NRK: variants seen among roughly 807,000 people sequenced by gnomAD.
NRK encodes nik-related protein kinase.
Under a neutral mutation model 125.2 loss-of-function variants are expected in NRK, and 67 were observed. The observed-to-expected ratio is 0.54, with a 90% CI of 0.44 to 0.66. The LOEUF (loss-of-function observed/expected upper bound fraction) is 0.66. Ranked by LOEUF, NRK falls within the 30% of genes least tolerant of loss-of-function variation. The probability of loss-of-function intolerance (pLI) is 0.00; values close to 1 mark genes in which losing one functional copy is unlikely to be tolerated. For missense variants in NRK, 1,224 were observed against 1,192.9 expected (o/e 1.03, Z -0.38); for synonymous variants, 458 against 429.0 (o/e 1.07, Z -0.84).
chrX:105,868,510 G>T (rs976361784), intron 2 of NRK, among the ~76,000 whole-genome samples: 2 of 111,090 alleles, frequency 1.8e-5, no homozygotes, highest in African/African-American at 6.5e-5. Flanking sequence ...TTATCTAGAC[G>T]ATTGCCTTAG....
At position 105,923,191 on chromosome X, in the gene NRK, C is replaced by T; in HGVS notation, c.2684C>T (p.Ala895Val). 8.3e-7 allele frequency: 1 copy of T among 1,206,241 alleles called. No individual in the cohort carries two copies. The highest frequency in any genetic ancestry group is 1.1e-6 in the Non-Finnish European group (1 of 890,972). ...ACAAACGAATGGGTAGGCTATAATG[C>T]ACTCTCTGAAATCTTCCGGAATGAT... ...YLTNEWVGYN[A>V]LSEIFRNDWL... is the part of the protein sequence containing the mutation. Residue 895 changes from alanine to valine, a missense_variant, in exon 18 of 29, where the codon GCA (alanine) becomes GTA (valine). Physicochemically the swap from Ala to Val is moderately conservative, Grantham distance 64. Coordinates refer to ENST00000243300, the MANE Select transcript of NRK (RefSeq NM_198465.4).
At chrX:105,921,097 A>G (rs1179201001) in intron 16 of NRK, among the ~76,000 whole-genome samples, 2 of 100,326 alleles carry the variant, frequency 2.0e-5, no homozygotes, top group Non-Finnish European at 2.0e-5. Context: ...TCCAACAATG[A>G]TAGACTGGAT....
intron 2 of NRK, among the ~76,000 whole-genome samples, chrX:105,873,184 G>C (rs2039770059): frequency 9.0e-6 from 1 of 111,385 alleles, no homozygotes; most frequent in African/African-American, 3.3e-5. Flanking sequence ...ACTGCTGAAG[G>C]ATCAGCAGTC....
chrX:105,853,113 A>T (rs1438344659), intron 2 of NRK, among the ~76,000 whole-genome samples: 1 of 111,661 alleles, frequency 9.0e-6, no homozygotes, highest in Non-Finnish European at 1.9e-5. Context: ...GTTGATTCAC[A>T]GATTCTACTT....
chrX:105,912,056 G>A (rs1363566971), intron 13 of NRK, among the ~76,000 whole-genome samples: 1 of 111,329 alleles, frequency 9.0e-6, no homozygotes, highest in Non-Finnish European at 1.9e-5. Context: ...AATTTTATTA[G>A]AGTTGAGAGA....
At chrX:105,867,791 A>G (rs1002270241) in intron 2 of NRK, among the ~76,000 whole-genome samples, 8 of 112,142 alleles carry the variant, frequency 7.1e-5, no homozygotes, top group African/African-American at 1.9e-4. Flanking sequence ...GAACCTAAGA[A>G]CTAACAAAAT....
At chrX:105,926,042 G>A (rs1194016400) in intron 19 of NRK, among the ~76,000 whole-genome samples, 9 of 110,705 alleles carry the variant, frequency 8.1e-5, no homozygotes, top group Non-Finnish European at 1.3e-4. Flanking sequence ...CTCCATTGTG[G>A]GTGTAGTAGT....
chrX:105,886,434 A>G (rs968055447), intron 4 of NRK, among the ~76,000 whole-genome samples: 1 of 104,799 alleles, frequency 9.5e-6, no homozygotes, highest in Admixed American at 1.1e-4. Flanking sequence ...TATATATTAT[A>G]TATACAGATA....
chrX:105,902,772 T>G (rs910517045), intron 9 of NRK, among the ~76,000 whole-genome samples: 43 of 111,180 alleles, frequency 3.9e-4, no homozygotes, highest in Non-Finnish European at 1.9e-4. Context: ...ATGCAAGGGA[T>G]CTAGGTGGTA....
At chrX:105,876,251 T>A (rs1275271114) in intron 2 of NRK, among the ~76,000 whole-genome samples, 3 of 111,166 alleles carry the variant, frequency 2.7e-5, no homozygotes, top group Non-Finnish European at 5.7e-5. Context: ...TAAATATATT[T>A]ACTAAAAGAG....
intron 2 of NRK, among the ~76,000 whole-genome samples, chrX:105,831,691 T>C: frequency 8.9e-6 from 1 of 112,073 alleles, no homozygotes; most frequent in Middle Eastern, 4.6e-3. Flanking sequence ...TTGGGGCTTA[T>C]GGTTGAGAAA....
intron 2 of NRK, among the ~76,000 whole-genome samples, chrX:105,859,332 T>C (rs1602615175): frequency 9.0e-6 from 1 of 111,659 alleles, no homozygotes; most frequent in African/African-American, 3.3e-5. Context: ...ATTGCTAAGA[T>C]GATGATTTTG....
intron 1 of NRK, among the ~76,000 whole-genome samples, chrX:105,826,320 T>A (rs1391873869): frequency 1.1e-5 from 1 of 87,245 alleles, no homozygotes; most frequent in Non-Finnish European, 2.1e-5. Flanking sequence ...AATATATATT[T>A]CATATATATA....
chrX:105,904,619 C>G (rs746916833), intron 9 of NRK, among the ~76,000 whole-genome samples: 1 of 111,814 alleles, frequency 8.9e-6, no homozygotes, highest in Non-Finnish European at 1.9e-5. Flanking sequence ...CACAACAATT[C>G]TTTGAAGGGA....
chrX:105,883,791 A>G (rs189005066), intron 4 of NRK, among the ~76,000 whole-genome samples: 10 of 112,784 alleles, frequency 8.9e-5, no homozygotes, highest in East Asian at 5.6e-4. Context: ...TTATTGCACT[A>G]CTTATGAGTT....
In NRK at chrX:105,836,919, C is replaced by T. The variant is rs148168194; in HGVS notation, c.123+5800C>T. Among the ~76,000 whole-genome samples, 227 of 111,875 alleles carry T rather than the reference C, an allele frequency of 2.0e-3. 3 individuals are homozygous for T. The highest frequency in any genetic ancestry group is 7.1e-3 in the African/African-American group (219 of 30,840). The stretch of plus-strand genomic sequence containing the variant: ...TGTAATATTTGGAATATGGTAAATA[C>T]CTGTTAAACGGCAGTTATTGCCATC... On this transcript the variant is annotated intron_variant, in intron 2 of 28. Transcript: ENST00000243300.
chrX:105,951,966 A>G (rs2040904624), intron 27 of NRK, among the ~76,000 whole-genome samples: 1 of 112,833 alleles, frequency 8.9e-6, no homozygotes, highest in Non-Finnish European at 1.9e-5. Context: ...TAGATCTGTT[A>G]CTTGTTCCCA....
At chrX:105,881,911 A>G (rs1411756666) in intron 4 of NRK, 132 bp downstream of exon 4, 6 of 417,125 alleles carry the variant, frequency 1.4e-5, no homozygotes, top group African/African-American at 1.2e-4. Context: ...GAAAGTGATA[A>G]CATATTTATA....
In NRK at chrX:105,908,246, C is replaced by T; in HGVS notation, c.1028C>T (p.Pro343Leu). 9.2e-7 allele frequency: 1 copy of T among 1,090,135 alleles called. No individual in the cohort carries two copies. The allele number at this position is 1,090,135 out of a possible 1,213,427, so 89.8% of individuals were successfully genotyped here. A position where few individuals can be genotyped will look rare whatever the true frequency, so the allele number is the denominator to read the frequency against. ...TTCTCTTTTGTAAAAAAAGGAATACCTTTGATCTTTGAAAGAGAAGAAGCT... is the reference window on the plus strand; with the variant it reads ...TTCTCTTTTGTAAAAAAAGGAATACTTTTGATCTTTGAAAGAGAAGAAGCT... ...IIKKRQKKGI[P>L]LIFEREEAIK... is the part of the protein sequence containing the mutation. Residue 343 changes from proline to leucine, a missense_variant, in exon 12 of 29, where the codon CCT becomes CTT. Transcript: ENST00000243300.
Sources: gnomAD v4.1 joint callset for allele counts (sites outside exome capture counted in the v4.1 genomes callset) on GRCh38, gnomAD v4.1.1 for gene constraint, MANE v1.5 for transcripts, NCBI Gene and HGNC (gene_info 2026-07-23, HGNC 2026-07-21) for gene names.